The following CNTNAP3B variants were observed in gnomAD, a reference collection of about 807,000 sequenced individuals.
CNTNAP3B encodes contactin associated protein family member 3B, also known as contactin-associated protein-like 3B.
Under a neutral mutation model 108.9 loss-of-function variants are expected in CNTNAP3B, and 25 were observed. The observed-to-expected ratio is 0.23, with a 90% CI of 0.17 to 0.32. The LOEUF is 0.32. CNTNAP3B is among the 10% of genes least tolerant of loss of function. CNTNAP3B has a pLI of 1.00. For synonymous variants in CNTNAP3B, 103 were observed against 473.4 expected (o/e 0.22, Z 10.16); for missense variants, 252 against 1,210.4 (o/e 0.21, Z 11.75).
intron 4 of CNTNAP3B, among the ~76,000 whole-genome samples, chr9:42,001,812 G>A (rs1236636542): frequency 1.5e-5 from 2 of 135,066 alleles, no homozygotes; most frequent in Non-Finnish European, 3.1e-5. Flanking sequence ...ATCAGTATTA[G>A]CAATGTGGAC....
At position 42,030,808 on chromosome 9, in the gene CNTNAP3B, A is replaced by AGAG. The variant is rs1554751507; in HGVS notation, c.391-17286_391-17284dup. Among the ~76,000 whole-genome samples, 39 of 85,358 alleles carry AGAG rather than the reference A, an allele frequency of 4.6e-4. 3 individuals carry two copies. Among genetic ancestry groups the AGAG allele is most frequent in the African/African-American group, 1.9e-3 (38 of 19,754 alleles). The allele number at this position is 85,358 out of a possible 152,430, so 56.0% of individuals were successfully genotyped here. A position where few individuals can be genotyped will look rare whatever the true frequency, so the allele number is the denominator to read the frequency against. On this transcript the variant is annotated intron_variant, in intron 3 of 23. Coordinates refer to ENST00000377561, the MANE Select transcript of CNTNAP3B (RefSeq NM_001201380.3). ...AGATGTGTGCGAGAGAGAGAGAGAG[A>AGAG]GAGAGGAGAGAGAGAGAGAGAGAGA...
At chr9:41,935,591 A>T (rs1321781015) in intron 14 of CNTNAP3B, among the ~76,000 whole-genome samples, 2 of 152,298 alleles carry the variant, frequency 1.3e-5, no homozygotes, top group Non-Finnish European at 2.9e-5. Context: ...TTGAAAAATT[A>T]AAATAGAAAT....
chr9:41,932,508 CTTT>C (rs1175456758), intron 14 of CNTNAP3B, among the ~76,000 whole-genome samples: 2 of 146,532 alleles, frequency 1.4e-5, no homozygotes, highest in African/African-American at 2.6e-5. Context: ...AACTTTTTAA[CTTT>C]TTTTTCTTCT....
chr9:41,939,343 T>G (rs1301576037), intron 13 of CNTNAP3B, among the ~76,000 whole-genome samples: 1 of 152,310 alleles, frequency 6.6e-6, no homozygotes, highest in Non-Finnish European at 1.5e-5. Context: ...GTGCTGTTTT[T>G]CAAATTTCAA....
intron 13 of CNTNAP3B, among the ~76,000 whole-genome samples, chr9:41,951,333 CT>C (rs1037432422): frequency 1.8e-5 from 2 of 112,844 alleles, no homozygotes; most frequent in African/African-American, 6.7e-5. Context: ...ATTTTAGCCC[CT>C]AGCCCAGTAG....
chr9:41,947,910 G>A (rs1335785745), intron 13 of CNTNAP3B, among the ~76,000 whole-genome samples: 1 of 151,994 alleles, frequency 6.6e-6, no homozygotes, highest in Non-Finnish European at 1.5e-5. Flanking sequence ...AAATCAACTT[G>A]ACAATTCAGA....
chr9:41,968,529 CT>C (rs894527724), intron 10 of CNTNAP3B, among the ~76,000 whole-genome samples: 4 of 142,506 alleles, frequency 2.8e-5, no homozygotes, highest in African/African-American at 1.1e-4. Context: ...TCATATACTC[CT>C]CATCTTTGAA....
chr9:41,934,156 TAC>T (rs1216743129), intron 14 of CNTNAP3B, among the ~76,000 whole-genome samples: 495 of 130,084 alleles, frequency 3.8e-3, no homozygotes, highest in African/African-American at 0.013. Flanking sequence ...CACATATATA[TAC>T]ACACACACAC....
At chr9:41,932,868 T>C (rs1824024133) in intron 14 of CNTNAP3B, among the ~76,000 whole-genome samples, 1 of 152,278 alleles carries the variant, frequency 6.6e-6, no homozygotes, top group Non-Finnish European at 1.5e-5. Context: ...ATAAAATCAT[T>C]ATGATCCACA....
At chr9:41,925,561 C>A (rs1823793520) in intron 15 of CNTNAP3B, among the ~76,000 whole-genome samples, 1 of 152,220 alleles carries the variant, frequency 6.6e-6, no homozygotes, top group Non-Finnish European at 1.5e-5. Flanking sequence ...CCACTGCACT[C>A]CAGCCTGCGC....
chr9:41,943,136 G>C (rs542728313), intron 13 of CNTNAP3B, among the ~76,000 whole-genome samples: 1 of 152,288 alleles, frequency 6.6e-6, no homozygotes, highest in Non-Finnish European at 1.5e-5. Flanking sequence ...TATAAACAAA[G>C]ATATGAAATC....
rs570667537 is a variant in CNTNAP3B at position 42,115,834 on chromosome 9, G to A, written c.86-11095C>T. Among the ~76,000 whole-genome samples, 44 of 121,354 alleles carry A rather than the reference G, an allele frequency of 3.6e-4. 4 individuals carry two copies. In the South Asian group the frequency reaches 3.6e-3, roughly 10 times the overall value. 79.6% of individuals were successfully genotyped at this position (121,354 alleles called of 152,430 possible). A position where few individuals can be genotyped will look rare whatever the true frequency, so the allele number is the denominator to read the frequency against. On this transcript the variant is annotated intron_variant, in intron 1 of 23. Transcript: ENST00000377561. ...CTCCTCCAAAGGAACACAACGCCTC[G>A]CCAGCAACGGAACAAAGCTGGATGG...
chr9:42,046,159 C>T (rs1300920830), intron 3 of CNTNAP3B, among the ~76,000 whole-genome samples: 1 of 120,510 alleles, frequency 8.3e-6, no homozygotes, highest in Non-Finnish European at 1.7e-5. Context: ...TCCTGCCACC[C>T]TGAGAAACCA....
chr9:41,928,166 T>TA (rs1217045346), intron 15 of CNTNAP3B, among the ~76,000 whole-genome samples: 2 of 152,264 alleles, frequency 1.3e-5, no homozygotes, highest in Admixed American at 1.3e-4. Context: ...AAGCTAACAA[T>TA]TTAGCTTGCC....
intron 10 of CNTNAP3B, 137 bp from the exon 11 acceptor site, chr9:41,964,781 A>G (rs1825218376): frequency 1.1e-6 from 1 of 951,724 alleles, no homozygotes; most frequent in South Asian, 1.9e-5. Context: ...GTCTGCCATC[A>G]AGGTTCTCTA....
intron 9 of CNTNAP3B, among the ~76,000 whole-genome samples, chr9:41,973,287 G>GAAAA (rs1316188385): frequency 7.8e-6 from 1 of 128,326 alleles, no homozygotes; most frequent in Non-Finnish European, 1.7e-5. Flanking sequence ...AACTCTGTTA[G>GAAAA]AAAAAAAAAA....
At chr9:41,924,827 G>T (rs1023966062) in intron 15 of CNTNAP3B, among the ~76,000 whole-genome samples, 4 of 152,282 alleles carry the variant, frequency 2.6e-5, no homozygotes, top group African/African-American at 9.6e-5. Context: ...TTCTGGTACA[G>T]TGTGTGAGTC....
intron 3 of CNTNAP3B, among the ~76,000 whole-genome samples, chr9:42,038,995 G>A (rs1353051973): frequency 6.9e-6 from 1 of 145,908 alleles, no homozygotes; most frequent in Non-Finnish European, 1.5e-5. Context: ...TGACTACTGG[G>A]TACATTGAGA....
At chr9:42,046,841 GA>G (rs1370400898) in intron 3 of CNTNAP3B, among the ~76,000 whole-genome samples, 1 of 94,188 alleles carries the variant, frequency 1.1e-5, no homozygotes, top group Non-Finnish European at 2.2e-5. Flanking sequence ...CGTACACTTT[GA>G]AAAAGGAAGA....
Sources: gnomAD v4.1 joint callset for allele counts (sites outside exome capture counted in the v4.1 genomes callset) on GRCh38, gnomAD v4.1.1 for gene constraint, MANE v1.5 for transcripts, NCBI Gene and HGNC (gene_info 2026-07-23, HGNC 2026-07-21) for gene names.